The following SAMD12 variants were observed in gnomAD, a reference collection of about 807,000 sequenced individuals.
SAMD12 encodes the protein sterile alpha motif domain-containing protein 12.
A neutral mutation model predicts 15.0 loss-of-function variants in SAMD12; 9 were observed. The ratio of observed to expected loss-of-function variants is 0.60; its 90% confidence interval spans 0.36 to 1.05. The LOEUF (loss-of-function observed/expected upper bound fraction) is 1.05, where lower values mean the gene tolerates loss of function less well. Among genes scored for constraint, SAMD12 ranks in the 50% least tolerant of loss-of-function variants. The probability of loss-of-function intolerance (pLI) is 0.01; values close to 1 mark genes in which losing one functional copy is unlikely to be tolerated. For missense variants in SAMD12, 230 were observed against 234.2 expected (o/e 0.98, Z 0.12); for synonymous variants, 86 against 90.1 (o/e 0.96, Z 0.25).
At chr8:118,385,653 T>G (rs1420822412) in intron 3 of SAMD12, among the ~76,000 whole-genome samples, 1 of 152,170 alleles carries the variant, frequency 6.6e-6, no homozygotes, top group East Asian at 1.9e-4. Flanking sequence ...TGGGGGTGTC[T>G]CTCCTGTCAG....
intron 4 of SAMD12, among the ~76,000 whole-genome samples, chr8:118,258,125 T>A (rs1812995801): frequency 6.6e-6 from 1 of 152,114 alleles, no homozygotes; most frequent in Admixed American, 6.6e-5. Context: ...GCATTTGCAA[T>A]GGAGAAAATA....
chr8:118,373,487 GTCT>G (rs1819214069), downstream of SAMD12, among the ~76,000 whole-genome samples: 1 of 152,128 alleles, frequency 6.6e-6, no homozygotes, highest in Non-Finnish European at 1.5e-5. Flanking sequence ...GTTCTAAAAA[GTCT>G]TCTTGGATTA....
chr8:118,187,993 T>G (rs929867563), downstream of SAMD12, among the ~76,000 whole-genome samples: 1 of 150,544 alleles, frequency 6.6e-6, no homozygotes, highest in Non-Finnish European at 1.5e-5. Flanking sequence ...GACAGATAAC[T>G]GCTCTACCCT....
At chr8:118,548,909 G>C (rs556184316) in intron 2 of SAMD12, among the ~76,000 whole-genome samples, 10 of 152,248 alleles carry the variant, frequency 6.6e-5, no homozygotes, top group Non-Finnish European at 1.5e-4. Context: ...CTACGCCCAC[G>C]GAGTCTCCCT....
chr8:118,242,100 A>G (rs1361435308), intron 4 of SAMD12, among the ~76,000 whole-genome samples: 3 of 152,126 alleles, frequency 2.0e-5, no homozygotes, highest in African/African-American at 7.2e-5. Flanking sequence ...TTTTTTGTAG[A>G]GACAGTGTTT....
chr8:118,208,857 C>T (rs1819940380), intron 4 of SAMD12, among the ~76,000 whole-genome samples: 1 of 152,166 alleles, frequency 6.6e-6, no homozygotes, highest in Non-Finnish European at 1.5e-5. Flanking sequence ...CAAATCCTTT[C>T]ACCCATATTG....
intron 4 of SAMD12, among the ~76,000 whole-genome samples, chr8:118,337,025 G>C (rs946722279): frequency 2.0e-5 from 3 of 152,112 alleles, no homozygotes; most frequent in Admixed American, 6.6e-5. Flanking sequence ...ATGGGAGAAG[G>C]GGGGAGGGAT....
At chr8:118,405,115 G>A (rs1821062116) in intron 3 of SAMD12, among the ~76,000 whole-genome samples, 1 of 152,224 alleles carries the variant, frequency 6.6e-6, no homozygotes, top group Non-Finnish European at 1.5e-5. Context: ...TGACAAGGAT[G>A]TGGAGAAACT....
At chr8:118,599,280 G>T (rs184111420) in intron 1 of SAMD12, among the ~76,000 whole-genome samples, 1 of 152,244 alleles carries the variant, frequency 6.6e-6, no homozygotes, top group Admixed American at 6.5e-5. Flanking sequence ...CTACAGTTAG[G>T]ACCCCTCGTC....
chr8:118,563,057 C>T (rs1357432533), intron 2 of SAMD12, among the ~76,000 whole-genome samples: 1 of 152,126 alleles, frequency 6.6e-6, no homozygotes. Flanking sequence ...AGATAGAGGA[C>T]ATTGTACATA....
intron 2 of SAMD12, among the ~76,000 whole-genome samples, chr8:118,447,301 C>CTT (rs200509368): frequency 0.024 from 3,552 of 146,230 alleles, 128 homozygotes; most frequent in African/African-American, 0.084. Context: ...CAGTTGAAAT[C>CTT]TTTTTTTTTT....
At chr8:118,351,218 A>G (rs887849052) in intron 4 of SAMD12, among the ~76,000 whole-genome samples, 2 of 152,202 alleles carry the variant, frequency 1.3e-5, no homozygotes, top group Non-Finnish European at 2.9e-5. Context: ...ATTAATTATG[A>G]TTGACACCTC....
chr8:118,555,090 C>T (rs1266046900), intron 2 of SAMD12, among the ~76,000 whole-genome samples: 1 of 152,130 alleles, frequency 6.6e-6, no homozygotes, highest in Non-Finnish European at 1.5e-5. Flanking sequence ...AATAATAATT[C>T]AACAACCACA....
chr8:118,465,733 C>T (rs576522168), intron 2 of SAMD12, among the ~76,000 whole-genome samples: 21 of 152,102 alleles, frequency 1.4e-4, no homozygotes, highest in Admixed American at 2.6e-4. Context: ...CAAGATATGA[C>T]GGGCAAATTC....
At chr8:118,456,239 T>C (rs190540444) in intron 2 of SAMD12, among the ~76,000 whole-genome samples, 11 of 152,320 alleles carry the variant, frequency 7.2e-5, no homozygotes, top group Admixed American at 5.9e-4. Context: ...GAAAGCTAGC[T>C]CTTTTCTCAG....
chr8:118,536,483 C>CACACACACACAT (rs1360675480), intron 2 of SAMD12, among the ~76,000 whole-genome samples: 11 of 150,418 alleles, frequency 7.3e-5, no homozygotes, highest in African/African-American at 1.7e-4. Flanking sequence ...CACACACACA[C>CACACACACACAT]ATAAATGGAT....
chr8:118,397,587 T>C (rs2630112), intron 3 of SAMD12, among the ~76,000 whole-genome samples: 1 of 152,130 alleles, frequency 6.6e-6, no homozygotes, highest in South Asian at 2.1e-4. Context: ...TGACCCCACA[T>C]AGGTAAAGAA....
At chr8:118,338,651 T>C (rs1461174020) in intron 4 of SAMD12, among the ~76,000 whole-genome samples, 2 of 152,210 alleles carry the variant, frequency 1.3e-5, no homozygotes, top group African/African-American at 2.4e-5. Context: ...CAGAATCTAT[T>C]GAGCAAAGGC....
At chr8:118,619,503 C>T (rs920043887) in intron 1 of SAMD12, among the ~76,000 whole-genome samples, 2 of 150,374 alleles carry the variant, frequency 1.3e-5, no homozygotes, top group African/African-American at 2.5e-5. Context: ...AAAAATCTCC[C>T]ATCCTCAAAT....
Sources: gnomAD v4.1 joint callset for allele counts (sites outside exome capture counted in the v4.1 genomes callset) on GRCh38, gnomAD v4.1.1 for gene constraint, MANE v1.5 for transcripts, NCBI Gene and HGNC (gene_info 2026-07-23, HGNC 2026-07-21) for gene names.